The following PKNOX2 variants were observed in gnomAD, a reference collection of about 807,000 sequenced individuals.
PKNOX2 encodes PBX/knotted 1 homeobox 2.
A neutral mutation model predicts 53.1 loss-of-function variants in PKNOX2; 14 were observed. The observed-to-expected ratio is 0.26, with a 90% CI of 0.17 to 0.41. The LOEUF (loss-of-function observed/expected upper bound fraction) is 0.41. PKNOX2 is among the 10% of genes least tolerant of loss of function. PKNOX2 has a pLI of 1.00. For synonymous variants in PKNOX2, 257 were observed against 242.8 expected (o/e 1.06, Z -0.54); for missense variants, 496 against 602.8 (o/e 0.82, Z 1.85).
At chr11:125,351,156 G>A (rs1287849544) in intron 3 of PKNOX2, 128 bp from the exon 4 acceptor site, 17 of 696,902 alleles carry the variant, frequency 2.4e-5, no homozygotes, top group Non-Finnish European at 4.5e-5. Flanking sequence ...TTGCCCTGAA[G>A]GGCGTGCAAC....
intron 2 of PKNOX2, among the ~76,000 whole-genome samples, chr11:125,322,789 A>G (rs1404280656): frequency 6.6e-6 from 1 of 152,184 alleles, no homozygotes; most frequent in African/African-American, 2.4e-5. Flanking sequence ...TTCAATATTG[A>G]TTATTTTTGT....
intron 10 of PKNOX2, among the ~76,000 whole-genome samples, chr11:125,420,525 C>CAAAAA: frequency 6.9e-6 from 1 of 145,958 alleles, no homozygotes; most frequent in Non-Finnish European, 1.5e-5. Context: ...GACTCCATCT[C>CAAAAA]AAAAAAAAAA....
chr11:125,199,300 G>T (rs1164876440), intron 1 of PKNOX2, among the ~76,000 whole-genome samples: 1 of 152,168 alleles, frequency 6.6e-6, no homozygotes, highest in East Asian at 1.9e-4. Context: ...AAGAGCTTCA[G>T]TGAGGGGGAG....
intron 11 of PKNOX2, 53 bp from the exon 12 acceptor site, chr11:125,429,910 C>A (rs990520413): frequency 6.4e-7 from 1 of 1,565,774 alleles, no homozygotes; most frequent in South Asian, 1.2e-5. Context: ...CTGCCCCCAC[C>A]CCAAGGCCAT....
intron 3 of PKNOX2, among the ~76,000 whole-genome samples, chr11:125,334,213 C>T (rs1217783302): frequency 2.0e-5 from 3 of 152,178 alleles, no homozygotes; most frequent in Admixed American, 1.3e-4. Context: ...TTCTTCTGAG[C>T]CTGGTACTGT....
intron 1 of PKNOX2, among the ~76,000 whole-genome samples, chr11:125,194,284 C>A (rs946179024): frequency 6.6e-6 from 1 of 152,214 alleles, no homozygotes; most frequent in Non-Finnish European, 1.5e-5. Flanking sequence ...CTTCCCCACC[C>A]CAGGCCGGCT....
At chr11:125,186,775 G>A (rs941511221) in intron 1 of PKNOX2, among the ~76,000 whole-genome samples, 2 of 152,140 alleles carry the variant, frequency 1.3e-5, no homozygotes, top group Non-Finnish European at 2.9e-5. Context: ...ACATAACTAA[G>A]AATCACTGTC....
At chr11:125,230,140 G>A (rs549351081) in intron 1 of PKNOX2, among the ~76,000 whole-genome samples, 2 of 152,348 alleles carry the variant, frequency 1.3e-5, no homozygotes, top group East Asian at 3.9e-4. Context: ...CACTGCCTGT[G>A]GCACAGGGGG....
At chr11:125,209,848 G>T (rs1939616080) in intron 1 of PKNOX2, among the ~76,000 whole-genome samples, 1 of 152,022 alleles carries the variant, frequency 6.6e-6, no homozygotes, top group Non-Finnish European at 1.5e-5. Flanking sequence ...ACCCACCCTG[G>T]TGTCATTCTT....
intron 2 of PKNOX2, among the ~76,000 whole-genome samples, chr11:125,303,032 C>T (rs1322601239): frequency 1.3e-5 from 2 of 152,102 alleles, no homozygotes; most frequent in Admixed American, 6.5e-5. Context: ...AGCCACAGTG[C>T]CTCTATTCCT....
intron 3 of PKNOX2, among the ~76,000 whole-genome samples, chr11:125,337,188 C>T (rs1354874181): frequency 6.6e-6 from 1 of 152,096 alleles, no homozygotes; most frequent in African/African-American, 2.4e-5. Context: ...ATATATTCAA[C>T]CACAGAACTA....
At chr11:125,244,561 T>G (rs1943416884) in intron 2 of PKNOX2, among the ~76,000 whole-genome samples, 1 of 152,208 alleles carries the variant, frequency 6.6e-6, no homozygotes, top group Non-Finnish European at 1.5e-5. Context: ...CACATTGCCC[T>G]CCCACTCCCA....
At chr11:125,318,184 G>A (rs573516164) in intron 2 of PKNOX2, among the ~76,000 whole-genome samples, 2 of 152,070 alleles carry the variant, frequency 1.3e-5, no homozygotes, top group South Asian at 4.2e-4. Context: ...TCGACTCACT[G>A]CAACTTCTGC....
chr11:125,394,875 C>T (rs1196128095), intron 6 of PKNOX2, among the ~76,000 whole-genome samples: 2 of 152,196 alleles, frequency 1.3e-5, no homozygotes, highest in Non-Finnish European at 2.9e-5. Flanking sequence ...GCTCCTGATT[C>T]ACATCTTGTA....
intron 2 of PKNOX2, among the ~76,000 whole-genome samples, chr11:125,284,163 G>A (rs11605802): frequency 0.1 from 15,732 of 152,182 alleles, 1,448 homozygotes; most frequent in East Asian, 0.26. Context: ...TTCATGTAAT[G>A]CCTGGCACAT....
intron 2 of PKNOX2, among the ~76,000 whole-genome samples, chr11:125,269,659 C>A (rs910319545): frequency 3.9e-5 from 6 of 152,122 alleles, no homozygotes; most frequent in Non-Finnish European, 8.8e-5. Flanking sequence ...CAGGGCGAGG[C>A]TGAGAGTGAG....
At chr11:125,348,685 C>T (rs1040785527) in intron 3 of PKNOX2, among the ~76,000 whole-genome samples, 5 of 152,190 alleles carry the variant, frequency 3.3e-5, no homozygotes, top group Non-Finnish European at 5.9e-5. Context: ...CTGGGGACAG[C>T]GCCTCTAAAA....
At chr11:125,213,763 G>A (rs1024625487) in intron 1 of PKNOX2, among the ~76,000 whole-genome samples, 1 of 152,034 alleles carries the variant, frequency 6.6e-6, no homozygotes, top group Admixed American at 6.5e-5. Context: ...TGGCCCAAAA[G>A]TTAAAAAAAC....
chr11:125,343,754 G>A (rs558312236), intron 3 of PKNOX2, among the ~76,000 whole-genome samples: 1 of 152,200 alleles, frequency 6.6e-6, no homozygotes, highest in Non-Finnish European at 1.5e-5. Context: ...TCTTGTTCCC[G>A]GTGTGGAGAG....
Sources: gnomAD v4.1 joint callset for allele counts (sites outside exome capture counted in the v4.1 genomes callset) on GRCh38, gnomAD v4.1.1 for gene constraint, MANE v1.5 for transcripts, NCBI Gene and HGNC (gene_info 2026-07-23, HGNC 2026-07-21) for gene names.